NCOA1: variants seen among roughly 807,000 people sequenced by gnomAD.
NCOA1 encodes nuclear receptor coactivator 1.
A neutral mutation model predicts 150.9 loss-of-function variants in NCOA1; 35 were observed. The observed-to-expected ratio is 0.23, with a 90% confidence interval of 0.18 to 0.31. The LOEUF (loss-of-function observed/expected upper bound fraction) is 0.31. Ranked by LOEUF, NCOA1 falls within the 10% of genes least tolerant of loss-of-function variation. The pLI, the probability that NCOA1 is intolerant of heterozygous loss-of-function variation, is 1.00. For missense variants in NCOA1, 1,491 were observed against 1,749.3 expected (o/e 0.85, Z 2.63); for synonymous variants, 590 against 630.0 (o/e 0.94, Z 0.95).
intron 4 of NCOA1, among the ~76,000 whole-genome samples, chr2:24,656,314 GT>G (rs1383006153): frequency 4.6e-5 from 7 of 151,970 alleles, no homozygotes; most frequent in Non-Finnish European, 8.8e-5. Flanking sequence ...TTTTTGTTTT[GT>G]TTTGTTTTTG....
At chr2:24,516,506 A>G (rs1478584045) in intron 1 of NCOA1, among the ~76,000 whole-genome samples, 1 of 149,774 alleles carries the variant, frequency 6.7e-6, no homozygotes, top group Admixed American at 6.6e-5. Flanking sequence ...TTTTTTTTTT[A>G]ATTGAGGGGA....
intron 14 of NCOA1, among the ~76,000 whole-genome samples, chr2:24,722,989 CA>C (rs5829932): frequency 1.3e-3 from 116 of 90,012 alleles, no homozygotes; most frequent in African/African-American, 4.3e-3. Context: ...ACCCTGTCTC[CA>C]AAAAAAAAAA....
chr2:24,555,282 G>C (rs1666027081), intron 1 of NCOA1, among the ~76,000 whole-genome samples: 1 of 151,856 alleles, frequency 6.6e-6, no homozygotes, highest in African/African-American at 2.4e-5. Context: ...ATCTATCTTT[G>C]AGTTATTAAT....
chr2:24,576,991 C>A (rs1667016526), intron 2 of NCOA1, among the ~76,000 whole-genome samples: 1 of 152,112 alleles, frequency 6.6e-6, no homozygotes, highest in East Asian at 1.9e-4. Flanking sequence ...TGCTTTTTCT[C>A]AGCTATTTCT....
intron 3 of NCOA1, among the ~76,000 whole-genome samples, chr2:24,590,074 C>G (rs55650625): frequency 0.028 from 4,249 of 152,270 alleles, 61 homozygotes; most frequent in African/African-American, 0.042. Context: ...ATATTAGTGT[C>G]TAACAAATTC....
intron 2 of NCOA1, among the ~76,000 whole-genome samples, chr2:24,576,997 T>TTTC (rs1474880132): frequency 1.9e-4 from 29 of 152,232 alleles, no homozygotes. Flanking sequence ...TTCTCAGCTA[T>TTTC]TTCTGTTTGC....
At chr2:24,528,514 T>G (rs760211261) in intron 1 of NCOA1, among the ~76,000 whole-genome samples, 1 of 151,734 alleles carries the variant, frequency 6.6e-6, no homozygotes, top group Non-Finnish European at 1.5e-5. Flanking sequence ...ACCCGGTTAA[T>G]TTTTGTATTT....
At chr2:24,549,977 A>G (rs1003534792) in intron 1 of NCOA1, among the ~76,000 whole-genome samples, 1 of 152,164 alleles carries the variant, frequency 6.6e-6, no homozygotes, top group Non-Finnish European at 1.5e-5. Context: ...CATCTCTCTG[A>G]AGTTCAAATT....
chr2:24,598,921 A>T (rs2148351194), intron 3 of NCOA1, among the ~76,000 whole-genome samples: 1 of 152,294 alleles, frequency 6.6e-6, no homozygotes, highest in African/African-American at 2.4e-5. Context: ...TTTCTTAAAG[A>T]TCTAGTTTTA....
At chr2:24,621,285 T>A (rs1434605436) in intron 3 of NCOA1, among the ~76,000 whole-genome samples, 1 of 152,124 alleles carries the variant, frequency 6.6e-6, no homozygotes, top group East Asian at 1.9e-4. Context: ...GCTTCCTTTG[T>A]CCCCTTATTA....
intron 7 of NCOA1, among the ~76,000 whole-genome samples, chr2:24,674,963 T>TA (rs1255628342): frequency 6.6e-6 from 1 of 152,232 alleles, no homozygotes; most frequent in Non-Finnish European, 1.5e-5. Context: ...TTTTGACACT[T>TA]ACTGACCACT....
chr2:24,734,428 A>G (rs933341567), intron 17 of NCOA1, among the ~76,000 whole-genome samples: 3 of 152,230 alleles, frequency 2.0e-5, no homozygotes, highest in Non-Finnish European at 4.4e-5. Flanking sequence ...AGAAGCATCA[A>G]TACAATCTTG....
At chr2:24,736,235 A>G (rs1424753641) in intron 17 of NCOA1, among the ~76,000 whole-genome samples, 1 of 150,140 alleles carries the variant, frequency 6.7e-6, no homozygotes, top group African/African-American at 2.4e-5. Flanking sequence ...AAAAAAAAAA[A>G]AAGAAAAAGA....
chr2:24,673,291 A>T (rs992454993), intron 6 of NCOA1, 75 bp from the exon 7 acceptor site: 5 of 1,000,456 alleles, frequency 5.0e-6, no homozygotes, highest in Admixed American at 5.6e-5. Context: ...TGGTGGATCT[A>T]TGTCTTCGTA....
chr2:24,696,360 T>C (rs1672898488), intron 10 of NCOA1, among the ~76,000 whole-genome samples: 1 of 152,170 alleles, frequency 6.6e-6, no homozygotes, highest in Non-Finnish European at 1.5e-5. Context: ...GGGGAAAATA[T>C]TTAATCAGGC....
chr2:24,711,362 T>C, intron 14 of NCOA1: 1 of 304,666 alleles, frequency 3.3e-6, no homozygotes, highest in Non-Finnish European at 5.9e-6. Flanking sequence ...AACAATTTTG[T>C]CGTCTCACCC....
At chr2:24,612,950 C>A (rs571687929) in intron 3 of NCOA1, among the ~76,000 whole-genome samples, 2 of 152,212 alleles carry the variant, frequency 1.3e-5, no homozygotes, top group Admixed American at 1.3e-4. Flanking sequence ...GGTGTCACTA[C>A]GATCAGATTT....
At chr2:24,767,361 G>A (rs1041145918) in intron 22 of NCOA1, among the ~76,000 whole-genome samples, 9 of 152,164 alleles carry the variant, frequency 5.9e-5, no homozygotes, top group African/African-American at 1.9e-4. Flanking sequence ...TTCCTGGTCT[G>A]GAACATTCAC....
In NCOA1 at chr2:24,639,912, GTGTGTATATATATATATATATATATA is replaced by G. The variant is rs1194452612; in HGVS notation, c.-174-4052_-174-4027del. 7.9e-4 allele frequency among the ~76,000 whole-genome samples: 76 copies of G among 95,952 alleles called. 7 individuals carry two copies. Among genetic ancestry groups the G allele is most frequent in the African/African-American group, 2.0e-3 (39 of 19,966 alleles). The allele number at this position is 95,952 out of a possible 152,430, so 62.9% of individuals were successfully genotyped here. ...CAAAAAAAAAAAAAAAAGTATGTGT[GTGTGTATATATATATATATATATATA>G]TATATATATATATATATATATATAT... On this transcript the variant is annotated intron_variant, in intron 3 of 22. Coordinates refer to ENST00000348332, the MANE Select transcript of NCOA1 (RefSeq NM_003743.5).
Sources: gnomAD v4.1 joint callset for allele counts (sites outside exome capture counted in the v4.1 genomes callset) on GRCh38, gnomAD v4.1.1 for gene constraint, MANE v1.5 for transcripts, NCBI Gene and HGNC (gene_info 2026-07-23, HGNC 2026-07-21) for gene names.